OSBPL1A: variants seen among roughly 807,000 people sequenced by gnomAD.
The protein encoded by OSBPL1A is oxysterol binding protein like 1A.
OSBPL1A carries 80 observed loss-of-function variants against 137.1 expected under a neutral mutation model. That is an observed-to-expected ratio of 0.58 (90% CI 0.49 to 0.70). The LOEUF (loss-of-function observed/expected upper bound fraction) is 0.70. Ranked by LOEUF, OSBPL1A falls within the 30% of genes least tolerant of loss-of-function variation. The pLI, the probability that OSBPL1A is intolerant of heterozygous loss-of-function variation, is 0.00. For missense variants in OSBPL1A, 970 were observed against 1,129.4 expected (o/e 0.86, Z 2.02); for synonymous variants, 365 against 389.7 (o/e 0.94, Z 0.75).
intron 4 of OSBPL1A, among the ~76,000 whole-genome samples, chr18:24,360,178 C>G (rs2091600761): frequency 6.6e-6 from 1 of 152,192 alleles, no homozygotes; most frequent in African/African-American, 2.4e-5. Context: ...ACCATGTTGG[C>G]CAGGCTGGTC....
Position 24,167,317 on chromosome 18 carries a change from G to A in OSBPL1A, c.2535+12C>T. ...CAGACAGTGAGGCCACAGCCAGCAA[G>A]CCCAGTCTCACCTGGGCAGAATTTG... On this transcript the variant is annotated intron_variant, in intron 25 of 27. Transcript: ENST00000319481. 11 of 1,607,706 alleles carry A rather than the reference G, an allele frequency of 6.8e-6. No homozygotes were observed. The highest frequency in any genetic ancestry group is 9.4e-6 in the Non-Finnish European group (11 of 1,174,158).
Position 24,172,297 on chromosome 18 carries a change from A to G in OSBPL1A, c.2201+79T>C, listed in dbSNP as rs2086307831. ...TTCTAGAGCTTTTCTTTAAAAACAA[A>G]CAAAACAAAAAAACTGATGTCCACT... is the stretch of plus-strand genomic sequence containing the variant. On this transcript the variant is annotated intron_variant, in intron 22 of 27. Coordinates refer to ENST00000319481, the MANE Select transcript of OSBPL1A (RefSeq NM_080597.4). 5.5e-6 allele frequency: 6 copies of G among 1,085,532 alleles called. No homozygotes were observed. The South Asian group carries it at 6.8e-5, about 12-fold the overall frequency. 67.2% of individuals were successfully genotyped at this position (1,085,532 alleles called of 1,614,324 possible).
At chr18:24,181,327 A>G (rs2086600867) in intron 18 of OSBPL1A, 48 bp from the exon 19 acceptor site, 2 of 1,576,470 alleles carry the variant, frequency 1.3e-6, no homozygotes, top group Non-Finnish European at 1.7e-6. Context: ...TACATAACAA[A>G]CAAACCTATT....
intron 15 of OSBPL1A, among the ~76,000 whole-genome samples, chr18:24,251,299 T>G (rs979838489): frequency 5.3e-5 from 8 of 152,142 alleles, no homozygotes; most frequent in African/African-American, 1.9e-4. Context: ...CAGTGGGCCT[T>G]AAGACCCATT....
chr18:24,387,193 C>T (rs933101197), intron 1 of OSBPL1A, among the ~76,000 whole-genome samples: 1 of 152,012 alleles, frequency 6.6e-6, no homozygotes, highest in Admixed American at 6.6e-5. Context: ...GCTGAGACTA[C>T]AGGTGCACAC....
At chr18:24,288,861 A>AG (rs1203193836) in intron 14 of OSBPL1A, among the ~76,000 whole-genome samples, 1 of 152,114 alleles carries the variant, frequency 6.6e-6, no homozygotes, top group Non-Finnish European at 1.5e-5. Context: ...GCATAATGGT[A>AG]GGGGGACATA....
At chr18:24,377,187 C>A (rs954823522) in intron 2 of OSBPL1A, among the ~76,000 whole-genome samples, 5 of 152,246 alleles carry the variant, frequency 3.3e-5, no homozygotes, top group African/African-American at 1.2e-4. Context: ...ACCCTTGTGG[C>A]TTGTAATATT....
chr18:24,282,179 CA>C (rs923797086), intron 14 of OSBPL1A, among the ~76,000 whole-genome samples: 34 of 130,132 alleles, frequency 2.6e-4, no homozygotes, highest in African/African-American at 6.3e-4. Context: ...ATCACCAAGA[CA>C]AAAAAAAAAG....
rs1011384918 is a variant in OSBPL1A at position 24,225,557 on chromosome 18, A to T, written c.1445-359T>A. Among the ~76,000 whole-genome samples, 39 of 152,248 alleles carry T rather than the reference A, an allele frequency of 2.6e-4. 1 individual carries two copies. Among genetic ancestry groups the T allele is most frequent in the Middle Eastern group, 3.2e-3 (1 of 316 alleles). Reference sequence around the variant, plus strand: ...CATCTTAAGTATAACTTCCAAAAAAATTTTAATTTTTAAAACTCATGTATA... The same window carrying T: ...CATCTTAAGTATAACTTCCAAAAAATTTTTAATTTTTAAAACTCATGTATA... On this transcript the variant is annotated intron_variant, in intron 16 of 27. Coordinates refer to ENST00000319481, the MANE Select transcript of OSBPL1A (RefSeq NM_080597.4).
chr18:24,170,590 G>A lies in OSBPL1A; in HGVS notation c.2292-137C>T, dbSNP rs1398075834. Reference sequence around the variant, plus strand: ...CTGCTTAGCTTCCAAGAGCAGATGAGATCAGGCGTGTTCAGGGTGGCATCG... The same window carrying A: ...CTGCTTAGCTTCCAAGAGCAGATGAAATCAGGCGTGTTCAGGGTGGCATCG... On this transcript the variant is annotated intron_variant, in intron 23 of 27. Coordinates refer to ENST00000319481, the MANE Select transcript of OSBPL1A (RefSeq NM_080597.4). The A allele has an allele frequency of 3.5e-6, 3 of 865,162 alleles. No individual in the cohort carries two copies. In the East Asian group the frequency reaches 7.6e-5, roughly 22 times the overall value. The allele number at this position is 865,162 out of a possible 1,614,324, so 53.6% of individuals were successfully genotyped here.
At position 24,333,012 on chromosome 18, in the gene OSBPL1A, G is replaced by C; in HGVS notation, c.555C>G (p.Tyr185Ter). ...LGNTPLHCAA[Y>*]RAHKQCALKL... Reference sequence around the variant, plus strand: ...TTAAGGCACATTGTTTATGGGCCCGGTAAGCTGCACAATGCAAGGGTGTAT... The same window carrying C: ...TTAAGGCACATTGTTTATGGGCCCGCTAAGCTGCACAATGCAAGGGTGTAT... The change falls in exon 7 of 28, where the codon TAC (tyrosine) becomes TAG (stop). Residue 185 changes from tyrosine (Y) to a stop codon, truncating the protein, a stop_gained. Coordinates refer to ENST00000319481, the MANE Select transcript of OSBPL1A (RefSeq NM_080597.4). LOFTEE classifies it high-confidence loss of function. The C allele has an allele frequency of 6.2e-7, 1 of 1,614,178 alleles. No individual in the cohort carries two copies. The highest frequency in any genetic ancestry group is 8.5e-7 in the Non-Finnish European group (1 of 1,180,024).
chr18:24,263,345 C>T (rs540465773), intron 15 of OSBPL1A, among the ~76,000 whole-genome samples: 2 of 152,324 alleles, frequency 1.3e-5, no homozygotes, highest in Non-Finnish European at 2.9e-5. Context: ...TCCCCACCCA[C>T]AATCTTGTGA....
chr18:24,200,707 T>C (rs773224876), intron 17 of OSBPL1A, among the ~76,000 whole-genome samples: 10 of 152,116 alleles, frequency 6.6e-5, no homozygotes, highest in South Asian at 4.1e-4. Flanking sequence ...AAGGGTTGTA[T>C]TGTTTCAAGA....
chr18:24,372,914 A>G (rs1905779468), intron 2 of OSBPL1A, among the ~76,000 whole-genome samples: 1 of 151,996 alleles, frequency 6.6e-6, no homozygotes, highest in Non-Finnish European at 1.5e-5. Flanking sequence ...AAATACAAAA[A>G]TTAGCCTGGT....
chr18:24,191,544 T>TC (rs2086892861), intron 18 of OSBPL1A, among the ~76,000 whole-genome samples: 1 of 151,880 alleles, frequency 6.6e-6, no homozygotes, highest in African/African-American at 2.4e-5. Context: ...CATTTTACCT[T>TC]TGTTAATATT....
At chr18:24,357,737 C>A (rs1158784764) in intron 4 of OSBPL1A, 1 of 152,152 alleles carries the variant, frequency 6.6e-6, no homozygotes, top group African/African-American at 2.4e-5. Context: ...ATATCTGATC[C>A]AGTGGGTGGG....
intron 14 of OSBPL1A, among the ~76,000 whole-genome samples, chr18:24,284,888 C>T (rs551111554): frequency 5.3e-5 from 8 of 152,330 alleles, no homozygotes; most frequent in Admixed American, 3.3e-4. Flanking sequence ...TGCCATCCTC[C>T]CCCAGGAAGC....
At chr18:24,332,175 A>C (rs1273639796) in intron 7 of OSBPL1A, among the ~76,000 whole-genome samples, 1 of 151,912 alleles carries the variant, frequency 6.6e-6, no homozygotes, top group African/African-American at 2.4e-5. Flanking sequence ...CAGGAGTTCG[A>C]GACCAGCCTG....
chr18:24,178,239 T>C (rs769281452), intron 20 of OSBPL1A, 44 bp from the exon 21 acceptor site: 10 of 1,433,972 alleles, frequency 7.0e-6, no homozygotes, highest in African/African-American at 2.9e-5. Context: ...AAAGCAACAT[T>C]ATAATTAACT....
Sources: gnomAD v4.1 joint callset for allele counts (sites outside exome capture counted in the v4.1 genomes callset) on GRCh38, gnomAD v4.1.1 for gene constraint, MANE v1.5 for transcripts, NCBI Gene and HGNC (gene_info 2026-07-23, HGNC 2026-07-21) for gene names.